Variants in ATP2B1 observed in about 807,000 individuals in gnomAD.
ATP2B1 encodes plasma membrane calcium-transporting ATPase 1.
ATP2B1 carries 14 observed loss-of-function variants against 124.2 expected under a neutral mutation model. The observed-to-expected ratio is 0.11, with a 90% confidence interval of 0.07 to 0.18. The LOEUF (loss-of-function observed/expected upper bound fraction) is 0.18. Among genes scored for constraint, ATP2B1 ranks in the 10% least tolerant of loss-of-function variants. The pLI is 1.00. For synonymous variants in ATP2B1, 449 were observed against 492.4 expected, an observed-to-expected ratio of 0.91 and a Z score of 1.17; for missense variants, 763 against 1,466.1, an observed-to-expected ratio of 0.52 and a Z score of 7.83.
chr12:89,709,287 G>C (rs974265431), upstream of ATP2B1: 2 of 152,314 alleles, frequency 1.3e-5, no homozygotes, highest in Admixed American at 1.3e-4. Context: ...CGGCGCAGCT[G>C]CTCCCGCTGC....
intron 11 of ATP2B1, among the ~76,000 whole-genome samples, chr12:89,619,618 T>TAAAA (rs367554417): frequency 1.4e-4 from 17 of 123,090 alleles, no homozygotes; most frequent in South Asian, 2.4e-4. Flanking sequence ...CTTAAACAAA[T>TAAAA]AAAAAAAAAA....
At chr12:89,634,046 A>G (rs1882309320) in intron 5 of ATP2B1, among the ~76,000 whole-genome samples, 1 of 151,918 alleles carries the variant, frequency 6.6e-6, no homozygotes, top group African/African-American at 2.4e-5. Context: ...TTTTCCCACC[A>G]CCCCTTCCAT....
chr12:89,684,328 G>C (rs1286079687), intron 1 of ATP2B1, among the ~76,000 whole-genome samples: 7 of 152,124 alleles, frequency 4.6e-5, no homozygotes, highest in Non-Finnish European at 7.4e-5. Flanking sequence ...AACTGGGTTG[G>C]GGCAGAGGGC....
chr12:89,684,861 T>C (rs1174775755), intron 1 of ATP2B1, among the ~76,000 whole-genome samples: 2 of 152,160 alleles, frequency 1.3e-5, no homozygotes, highest in Non-Finnish European at 2.9e-5. Flanking sequence ...CATTTCCTTT[T>C]AGAATTTCCT....
chr12:89,708,392 A>G (rs1892779262), intron 1 of ATP2B1, among the ~76,000 whole-genome samples: 1 of 151,996 alleles, frequency 6.6e-6, no homozygotes, highest in Non-Finnish European at 1.5e-5. Flanking sequence ...AAGCCCGCTC[A>G]CCTTCACAAT....
chr12:89,667,395 A>T (rs912612531), intron 1 of ATP2B1, among the ~76,000 whole-genome samples: 1 of 152,198 alleles, frequency 6.6e-6, no homozygotes, highest in African/African-American at 2.4e-5. Flanking sequence ...CACATCTTAA[A>T]TGAGGGTATT....
At chr12:89,692,202 A>C (rs866447753) in intron 1 of ATP2B1, among the ~76,000 whole-genome samples, 1 of 152,136 alleles carries the variant, frequency 6.6e-6, no homozygotes, top group South Asian at 2.1e-4. Context: ...ACATGCTACC[A>C]TGATGTTATT....
intron 20 of ATP2B1, among the ~76,000 whole-genome samples, chr12:89,596,096 T>G (rs1223734990): frequency 6.6e-6 from 1 of 152,108 alleles, no homozygotes; most frequent in Non-Finnish European, 1.5e-5. Flanking sequence ...ATGATTGCTT[T>G]GATATTTAAT....
intron 14 of ATP2B1, 152 bp downstream of exon 14, chr12:89,610,269 T>C (rs913283793): frequency 1.3e-6 from 1 of 770,782 alleles, no homozygotes. Context: ...AACAACACAA[T>C]TTACCTAAGG....
intron 1 of ATP2B1, among the ~76,000 whole-genome samples, chr12:89,705,577 TA>T (rs1892352820): frequency 6.6e-6 from 1 of 152,176 alleles, no homozygotes; most frequent in Admixed American, 6.5e-5. Context: ...TTTCCCATGG[TA>T]AGAGACTGTT....
intron 2 of ATP2B1, 135 bp downstream of exon 2, chr12:89,655,544 C>T (rs1163784237): frequency 2.5e-6 from 2 of 805,310 alleles, no homozygotes; most frequent in Admixed American, 2.6e-5. Flanking sequence ...AATCTGATAA[C>T]TAACCCATTT....
At chr12:89,675,422 T>A (rs1358521187) in intron 1 of ATP2B1, among the ~76,000 whole-genome samples, 1 of 152,174 alleles carries the variant, frequency 6.6e-6, no homozygotes, top group East Asian at 1.9e-4. Context: ...GATGACGACC[T>A]GTATTCTGAA....
intron 1 of ATP2B1, among the ~76,000 whole-genome samples, chr12:89,703,933 G>A (rs1437097069): frequency 6.6e-6 from 1 of 152,068 alleles, no homozygotes; most frequent in African/African-American, 2.4e-5. Context: ...CAAAATTCCA[G>A]GGGCAATGCC....
chr12:89,622,272 A>T (rs921118481), intron 9 of ATP2B1, among the ~76,000 whole-genome samples: 1 of 145,482 alleles, frequency 6.9e-6, no homozygotes, highest in Non-Finnish European at 1.5e-5. Flanking sequence ...AGCTAAAATA[A>T]AGAGCTTGTG....
intron 2 of ATP2B1, among the ~76,000 whole-genome samples, chr12:89,653,924 G>A (rs1449191770): frequency 1.3e-5 from 2 of 152,132 alleles, no homozygotes; most frequent in African/African-American, 4.8e-5. Context: ...CCTGGTTAGG[G>A]GAAGTACAGT....
chr12:89,623,410 T>G (rs1008147024), intron 9 of ATP2B1, among the ~76,000 whole-genome samples: 1 of 151,684 alleles, frequency 6.6e-6, no homozygotes, highest in Non-Finnish European at 1.5e-5. Context: ...TTGATAAAAA[T>G]AAATTAATAA....
chr12:89,605,923 G>A (rs1876761166), intron 15 of ATP2B1, among the ~76,000 whole-genome samples: 1 of 151,960 alleles, frequency 6.6e-6, no homozygotes, highest in African/African-American at 2.4e-5. Context: ...GAGAATTTGG[G>A]GATGAATTAG....
intron 2 of ATP2B1, among the ~76,000 whole-genome samples, chr12:89,652,581 G>A (rs560245183): frequency 6.6e-6 from 1 of 152,208 alleles, no homozygotes; most frequent in African/African-American, 2.4e-5. Flanking sequence ...TTCCTTGGAC[G>A]TACAAACTCC....
chr12:89,642,416 T>C, intron 2 of ATP2B1, 61 bp from the exon 3 acceptor site: 1 of 1,470,356 alleles, frequency 6.8e-7, no homozygotes, highest in South Asian at 1.2e-5. Flanking sequence ...AAATATATAG[T>C]TTTATTCAAA....
Sources: gnomAD v4.1 joint callset for allele counts (sites outside exome capture counted in the v4.1 genomes callset) on GRCh38, gnomAD v4.1.1 for gene constraint, MANE v1.5 for transcripts, NCBI Gene and HGNC (gene_info 2026-07-23, HGNC 2026-07-21) for gene names.